Variants in PFKFB3 observed in about 807,000 individuals in gnomAD.
PFKFB3 encodes 6-phosphofructo-2-kinase/fructose-2,6-bisphosphatase 3.
Under a neutral mutation model 68.0 loss-of-function variants are expected in PFKFB3, and 33 were observed. The ratio of observed to expected loss-of-function variants is 0.49; its 90% CI spans 0.37 to 0.65. The LOEUF (loss-of-function observed/expected upper bound fraction) is 0.65, where lower values mean the gene tolerates loss of function less well. Among genes scored for constraint, PFKFB3 ranks in the 30% least tolerant of loss-of-function variants. The pLI, the probability that PFKFB3 is intolerant of heterozygous loss-of-function variation, is 0.00. For synonymous variants in PFKFB3, 315 were observed against 288.2 expected (o/e 1.09, Z -0.94); for missense variants, 586 against 712.2 (o/e 0.82, Z 2.02).
At chr10:6,165,467 T>C (rs1564592338) in intron 1 of PFKFB3, among the ~76,000 whole-genome samples, 2 of 152,214 alleles carry the variant, frequency 1.3e-5, no homozygotes, top group Non-Finnish European at 2.9e-5. Context: ...AACTTCCTTA[T>C]GAGGAAGAGG....
chr10:6,263,966 G>A, the PFKFB3 span, among the ~76,000 whole-genome samples: 1,970 of 152,336 alleles, frequency 0.013, 53 homozygotes, highest in African/African-American at 0.045. Context: ...GATTACAGGC[G>A]TGAGCCACTG....
the PFKFB3 span, among the ~76,000 whole-genome samples, chr10:6,295,778 T>C: frequency 6.6e-6 from 1 of 152,252 alleles, no homozygotes; most frequent in East Asian, 1.9e-4. Flanking sequence ...TCTGGGTGTA[T>C]TTCAGAACAG....
At chr10:6,272,454 G>A in the PFKFB3 span, among the ~76,000 whole-genome samples, 11 of 152,198 alleles carry the variant, frequency 7.2e-5, no homozygotes, top group African/African-American at 2.7e-4. Flanking sequence ...AGCACTTTGG[G>A]AGGCCGAGGC....
chr10:6,177,440 C>T lies in PFKFB3; in HGVS notation c.16+32427C>T, dbSNP rs540443693. On this transcript the variant is annotated intron_variant, in intron 1 of 14. Transcript: ENST00000379789. ...CTCTTTCTTCCTTTCTTTTCTTTCTCTTTCTTTCTTTCTTTCTTTCTTTCT... is the reference window on the plus strand; with the variant it reads ...CTCTTTCTTCCTTTCTTTTCTTTCTTTTTCTTTCTTTCTTTCTTTCTTTCT... Among the ~76,000 whole-genome samples, 171 of 90,250 alleles carry T rather than the reference C, an allele frequency of 1.9e-3. 8 individuals are homozygous for T. The highest frequency in any genetic ancestry group is 0.016 in the Admixed American group (122 of 7,800). 59.2% of individuals were successfully genotyped at this position (90,250 alleles called of 152,430 possible).
the PFKFB3 span, among the ~76,000 whole-genome samples, chr10:6,267,891 G>C: frequency 1.2e-4 from 17 of 147,332 alleles, no homozygotes; most frequent in Admixed American, 2.1e-4. Flanking sequence ...GGAGGCAGAG[G>C]TTGCAGTGAG....
upstream of PFKFB3, among the ~76,000 whole-genome samples, chr10:6,198,787 C>T (rs1474092264): frequency 2.6e-5 from 4 of 152,362 alleles, no homozygotes; most frequent in East Asian, 7.7e-4. Context: ...CTGGCCTCTC[C>T]ATGTCTTTTC....
In PFKFB3 at chr10:6,216,696, T is replaced by C. The variant is rs749916271; in HGVS notation, c.367-10T>C. 1.3e-6 allele frequency: 2 copies of C among 1,594,482 alleles called. No individual in the cohort carries two copies. Among genetic ancestry groups the C allele is most frequent in the Admixed American group, 1.7e-5 (1 of 59,936 alleles). ...GAGTTTTCTTCCTGGCCCTTTGCTC[T>C]CCATATCAGGTTTTCGATGCCACCA... On this transcript the variant is annotated splice_polypyrimidine_tract_variant and intron_variant, in intron 4 of 14. Coordinates refer to ENST00000379775, the MANE Select transcript of PFKFB3 (RefSeq NM_004566.4).
At chr10:6,206,714 TG>T (rs765901052) in intron 1 of PFKFB3, among the ~76,000 whole-genome samples, 7 of 150,180 alleles carry the variant, frequency 4.7e-5, no homozygotes, top group Admixed American at 6.6e-5. Flanking sequence ...TGCTCCTCAC[TG>T]CCTAGATGGG....
intron 1 of PFKFB3, among the ~76,000 whole-genome samples, chr10:6,206,198 CT>C (rs1296023629): frequency 1.4e-5 from 2 of 145,438 alleles, no homozygotes; most frequent in Admixed American, 1.4e-4. Flanking sequence ...CAAAGCACAT[CT>C]TGCACCGCCC....
the PFKFB3 span, among the ~76,000 whole-genome samples, chr10:6,290,609 G>T: frequency 6.8e-6 from 1 of 147,920 alleles, no homozygotes; most frequent in East Asian, 2.0e-4. Flanking sequence ...AATGATTCTT[G>T]TGCCTCAGCC....
chr10:6,230,370 C>T (rs1845660802), intron 14 of PFKFB3, among the ~76,000 whole-genome samples: 2 of 152,174 alleles, frequency 1.3e-5, no homozygotes, highest in Non-Finnish European at 2.9e-5. Context: ...GGTTCTACTC[C>T]TCCTGGCCTC....
At chr10:6,208,745 C>T (rs761197437) in intron 1 of PFKFB3, among the ~76,000 whole-genome samples, 27 of 152,116 alleles carry the variant, frequency 1.8e-4, no homozygotes, top group African/African-American at 4.8e-4. Flanking sequence ...TTAATCTATC[C>T]GGGAGAGCAG....
At chr10:6,170,355 TC>T (rs1375415796) in intron 1 of PFKFB3, among the ~76,000 whole-genome samples, 3 of 152,112 alleles carry the variant, frequency 2.0e-5, no homozygotes, top group Non-Finnish European at 4.4e-5. Context: ...ACTCACTCGT[TC>T]CCCCACCCCT....
intron 1 of PFKFB3, among the ~76,000 whole-genome samples, chr10:6,148,658 A>G (rs1841477031): frequency 6.6e-6 from 1 of 152,236 alleles, no homozygotes; most frequent in African/African-American, 2.4e-5. Context: ...CATGAGACGA[A>G]AAGGAGGCAG....
At chr10:6,214,718 A>G (rs562570007) in intron 2 of PFKFB3, among the ~76,000 whole-genome samples, 9 of 152,050 alleles carry the variant, frequency 5.9e-5, no homozygotes, top group Non-Finnish European at 1.2e-4. Flanking sequence ...TATGTTTACC[A>G]TCCCCGCTGT....
At chr10:6,244,698 T>A (rs1846216036) in intron 14 of PFKFB3, among the ~76,000 whole-genome samples, 1 of 151,902 alleles carries the variant, frequency 6.6e-6, no homozygotes, top group South Asian at 2.1e-4. Flanking sequence ...TAGGGAGGGA[T>A]GAGAAGCTGG....
intron 1 of PFKFB3, among the ~76,000 whole-genome samples, chr10:6,147,501 G>A (rs772461649): frequency 1.3e-5 from 2 of 152,188 alleles, no homozygotes; most frequent in African/African-American, 2.4e-5. Context: ...AAGTCGAGGA[G>A]TTTAATGATG....
intron 1 of PFKFB3, among the ~76,000 whole-genome samples, chr10:6,208,539 G>T (rs2794983): frequency 0.21 from 31,630 of 151,782 alleles, 3,567 homozygotes; most frequent in African/African-American, 0.31. Context: ...GAGTTACGCC[G>T]GCTGCTGGTG....
downstream of PFKFB3, among the ~76,000 whole-genome samples, chr10:6,255,080 G>C (rs113606900): frequency 6.6e-6 from 1 of 151,158 alleles, no homozygotes; most frequent in African/African-American, 2.4e-5. Context: ...GTCTCCCAAA[G>C]TGCTGAGATT....
Sources: gnomAD v4.1 joint callset for allele counts (sites outside exome capture counted in the v4.1 genomes callset) on GRCh38, gnomAD v4.1.1 for gene constraint, MANE v1.5 for transcripts, NCBI Gene and HGNC (gene_info 2026-07-23, HGNC 2026-07-21) for gene names.